Variants in SEC24C observed in about 807,000 individuals in gnomAD.
SEC24C encodes SEC24 homolog C, COPII component.
Under a neutral mutation model 117.0 loss-of-function variants are expected in SEC24C, and 22 were observed. That is an observed-to-expected ratio of 0.19 (90% CI 0.13 to 0.27). The LOEUF (loss-of-function observed/expected upper bound fraction) is 0.27. Among genes scored for constraint, SEC24C ranks in the 10% least tolerant of loss-of-function variants. SEC24C has a pLI of 1.00. For missense variants in SEC24C, 1,155 were observed against 1,375.1 expected, an observed-to-expected ratio of 0.84 and a Z score of 2.53; for synonymous variants, 506 against 529.4, an observed-to-expected ratio of 0.96 and a Z score of 0.61.
rs1565042740 is a variant in SEC24C, at chr10:73,760,837, C to T, written c.975C>T (p.Ala325=). 6.2e-7 allele frequency: 1 copy of T among 1,611,772 alleles called. No homozygotes were observed. Among genetic ancestry groups the T allele is most frequent in the Non-Finnish European group, 8.5e-7 (1 of 1,179,228 alleles). ...CTCCTAAGCGCCTGGACCCTGATGC[C>T]ATCCCAAGCCCTGTAAGTAGAAACT... ...PLPPKRLDPD[A]IPSPIQVIED... The change falls in exon 6 of 23, where the codon GCC becomes GCT. Residue 325 remains alanine (A), a synonymous_variant. Coordinates refer to ENST00000345254, the MANE Select transcript of SEC24C (RefSeq NM_198597.3).
chr10:73,767,135 G>A lies in SEC24C; in HGVS notation c.1975G>A (p.Asp659Asn), dbSNP rs755851101. The change falls in exon 14 of 23, where the codon GAT becomes AAT. Residue 659 changes from aspartate to asparagine, a missense_variant. Around this residue, in one of 2 missense-constraint regions of SEC24C, gnomAD observed 759 missense variants for 992.3 expected, o/e 0.76. Transcript: ENST00000345254. ...AEAPGKLKNRDDRKLINTDKE... is the reference protein window; with the variant it reads ...AEAPGKLKNRNDRKLINTDKE... ...GGCCCCAGGGAAACTGAAGAACAGA[G>A]ATGACAGGAAGCTGATCAATACAGA... is the stretch of plus-strand genomic sequence containing the variant. 14 of 1,613,918 alleles carry A rather than the reference G, an allele frequency of 8.7e-6. No homozygotes were observed. In the South Asian group the frequency reaches 1.5e-4, roughly 18 times the overall value.
rs745874121 is a variant in SEC24C at position 73,767,048 on chromosome 10, T to G, written c.1894-6T>G. On this transcript the variant is annotated splice_region_variant and splice_polypyrimidine_tract_variant and intron_variant, in intron 13 of 22. Transcript: ENST00000345254. ...AATAAACAAGTAGTCCTCTCTTTTT[T>G]CCTAGGCTGCTGAGTGTGCAGGGAA... 4 of 1,607,568 alleles carry G rather than the reference T, an allele frequency of 2.5e-6. No homozygotes were observed. The highest frequency in any genetic ancestry group is 3.4e-6 in the Non-Finnish European group (4 of 1,175,026).
chr10:73,763,742 A>G (rs1589523744), intron 7 of SEC24C, 114 bp from the exon 8 acceptor site: 3 of 1,028,800 alleles, frequency 2.9e-6, no homozygotes, highest in South Asian at 3.4e-5. Flanking sequence ...CCTCTGGGGG[A>G]AAAAGCCACC....
At chr10:73,750,966 C>A in intron 2 of SEC24C, 142 bp from the exon 3 acceptor site, 1 of 798,236 alleles carries the variant, frequency 1.3e-6, no homozygotes, top group Non-Finnish European at 2.0e-6. Flanking sequence ...CAGTTGTATG[C>A]TGGTAGTGTC....
chr10:73,746,158 CAAAAAAAAA>C (rs71021568), intron 1 of SEC24C, among the ~76,000 whole-genome samples: 1 of 93,060 alleles, frequency 1.1e-5, no homozygotes, highest in Non-Finnish European at 2.0e-5. Context: ...GACTCCGTCT[CAAAAAAAAA>C]AAAAAAAAAA....
Position 73,766,977 on chromosome 10 carries a change from T to C in SEC24C, c.1894-77T>C, listed in dbSNP as rs1229022481. 4 of 1,390,612 alleles carry C rather than the reference T, an allele frequency of 2.9e-6. No individual in the cohort carries two copies. The African/African-American group carries it at 5.7e-5, about 20-fold the overall frequency. The allele number at this position is 1,390,612 out of a possible 1,614,324, so 86.1% of individuals were successfully genotyped here. ...GTCCAGTGTGTTAGACTGTCTGACA[T>C]AGCTGGTGCTTAATAAATGACAAGG... On this transcript the variant is annotated intron_variant, in intron 13 of 22. Coordinates refer to ENST00000345254, the MANE Select transcript of SEC24C (RefSeq NM_198597.3).
chr10:73,766,907 T>C (rs2082892948), intron 13 of SEC24C, 54 bp downstream of exon 13: 1 of 1,528,072 alleles, frequency 6.5e-7, no homozygotes, highest in Non-Finnish European at 9.1e-7. Flanking sequence ...TCTGACCATC[T>C]TATCCCCTGG....
In SEC24C at chr10:73,746,730, T is replaced by C. The variant is rs969637173; in HGVS notation, c.-28-75T>C. 6 of 984,536 alleles carry C rather than the reference T, an allele frequency of 6.1e-6. No individual in the cohort carries two copies. In the African/African-American group the frequency reaches 6.5e-5, roughly 11 times the overall value. 61.0% of individuals were successfully genotyped at this position (984,536 alleles called of 1,614,324 possible). A position where few individuals can be genotyped will look rare whatever the true frequency, so the allele number is the denominator to read the frequency against. ...CTGTCTGATAAGGTCAATTTCTTTT[T>C]ATCTCTACTTCCTGCCCTGAATAGT... is the stretch of plus-strand genomic sequence containing the variant. On this transcript the variant is annotated intron_variant, in intron 1 of 22. Coordinates refer to ENST00000345254, the MANE Select transcript of SEC24C (RefSeq NM_198597.3).
rs145252752 is a variant in SEC24C at position 73,759,735 on chromosome 10, C to A, written c.422C>A (p.Ser141Tyr). The change falls in exon 4 of 23, where the codon TCT (serine) becomes TAT (tyrosine). Residue 141 changes from serine (S) to tyrosine (Y), a missense_variant. Around this residue, in one of 2 missense-constraint regions of SEC24C, gnomAD observed 396 missense variants for 382.8 expected, o/e 1.03. Transcript: ENST00000345254. ...PTSAQVATQL[S>Y]GMQISGAVAP... ...AGTGCACAGGTGGCTACGCAGCTGT[C>A]TGGAATGCAGATCAGCGGTGCTGTG... 8 of 1,610,394 alleles carry A rather than the reference C, an allele frequency of 5.0e-6. No individual in the cohort carries two copies. Among genetic ancestry groups the A allele is most frequent in the Non-Finnish European group, 6.8e-6 (8 of 1,179,252 alleles).
intron 2 of SEC24C, among the ~76,000 whole-genome samples, chr10:73,749,278 T>G (rs1354846137): frequency 1.3e-5 from 2 of 152,222 alleles, no homozygotes; most frequent in Admixed American, 6.5e-5. Context: ...TTATTCGTCA[T>G]ATATGTTGAG....
chr10:73,764,053 G>A, intron 8 of SEC24C, 70 bp downstream of exon 8: 9 of 1,491,186 alleles, frequency 6.0e-6, no homozygotes, highest in Non-Finnish European at 8.1e-6. Flanking sequence ...GCGTCTTCCT[G>A]GATGTGATTC....
chr10:73,758,354 A>T (rs904945932), intron 3 of SEC24C, among the ~76,000 whole-genome samples: 1 of 152,234 alleles, frequency 6.6e-6, no homozygotes, highest in African/African-American at 2.4e-5. Context: ...TTGGATTTTT[A>T]AAAAGTTTTT....
At chr10:73,770,069 G>T in intron 20 of SEC24C, 54 bp downstream of exon 20, 1 of 1,527,836 alleles carries the variant, frequency 6.5e-7, no homozygotes, top group Non-Finnish European at 9.0e-7. Context: ...GGCCTCTTAG[G>T]AGGAGGAAAG....
intron 2 of SEC24C, among the ~76,000 whole-genome samples, chr10:73,747,655 A>ACT (rs2082577635): frequency 1.2e-5 from 1 of 84,024 alleles, no homozygotes; most frequent in Non-Finnish European, 2.4e-5. Flanking sequence ...CCTGGCCTGT[A>ACT]TTTTTTTTTT....
chr10:73,746,446 C>T (rs1231751409), intron 1 of SEC24C, among the ~76,000 whole-genome samples: 1 of 152,178 alleles, frequency 6.6e-6, no homozygotes, highest in Non-Finnish European at 1.5e-5. Flanking sequence ...AACATTGTTT[C>T]TTTCACCTGT....
chr10:73,765,745 G>C (rs755284674), intron 9 of SEC24C, 55 bp from the exon 10 acceptor site: 1 of 1,577,906 alleles, frequency 6.3e-7, no homozygotes, highest in Admixed American at 1.7e-5. Flanking sequence ...GCTAGGGCCA[G>C]AATACTAAGA....
rs200612390 is a variant in SEC24C, at chr10:73,751,111, T to C, written c.176T>C (p.Met59Thr). The change falls in exon 3 of 23, where the codon ATG becomes ACG. Residue 59 changes from methionine (M) to threonine (T), a missense_variant. By Grantham distance (81) the Met-to-Thr change is moderately conservative. Coordinates refer to ENST00000345254, the MANE Select transcript of SEC24C (RefSeq NM_198597.3). ...AGTTTCTGTCCTTTACCCTCAGGTATGTCAAGAGCCCCACCTTCCTCGGGG... is the reference window on the plus strand; with the variant it reads ...AGTTTCTGTCCTTTACCCTCAGGTACGTCAAGAGCCCCACCTTCCTCGGGG... ...PGYQQTPPQG[M>T]SRAPPSSGAP... is the part of the protein sequence containing the mutation. The C allele has an allele frequency of 1.9e-6, 3 of 1,613,560 alleles. No homozygotes were observed. In the East Asian group the frequency reaches 6.7e-5, roughly 36 times the overall value.
chr10:73,758,821 C>T (rs761717172), intron 3 of SEC24C, among the ~76,000 whole-genome samples: 1 of 151,990 alleles, frequency 6.6e-6, no homozygotes, highest in Non-Finnish European at 1.5e-5. Flanking sequence ...TGCTGATAGA[C>T]ATTTGGGATG....
chr10:73,766,742 C>T lies in SEC24C; in HGVS notation c.1800-18C>T, dbSNP rs560533364. On this transcript the variant is annotated intron_variant, in intron 12 of 22. Transcript: ENST00000345254. ...CTGTATAGCAATTTTGGTTGTTTTC[C>T]GTCACCTATCTCTTTAGCTTATTGG... is the stretch of plus-strand genomic sequence containing the variant. 1.4e-5 allele frequency: 23 copies of T among 1,609,558 alleles called. 1 individual carries two copies. In the South Asian group the frequency reaches 2.0e-4, roughly 14 times the overall value.
Sources: gnomAD v4.1 joint callset for allele counts (sites outside exome capture counted in the v4.1 genomes callset) on GRCh38, gnomAD v4.1.1 for gene constraint, gnomAD v4.1.1 regional missense constraint, MANE v1.5 for transcripts, NCBI Gene and HGNC (gene_info 2026-07-23, HGNC 2026-07-21) for gene names.